The following DTNB variants were observed in gnomAD, a reference collection of about 807,000 sequenced individuals.
DTNB encodes dystrobrevin beta.
DTNB carries 63 observed loss-of-function variants against 90.7 expected under a neutral mutation model. The ratio of observed to expected loss-of-function variants is 0.69; its 90% CI spans 0.57 to 0.86. The LOEUF (loss-of-function observed/expected upper bound fraction) is 0.86. DTNB is among the 40% of genes least tolerant of loss of function. DTNB has a pLI of 0.00. For synonymous variants in DTNB, 277 were observed against 286.7 expected (o/e 0.97, Z 0.34); for missense variants, 744 against 807.1 (o/e 0.92, Z 0.95).
intron 19 of DTNB, chr2:25,379,614 G>A: frequency 2.8e-6 from 1 of 356,822 alleles, no homozygotes; most frequent in Non-Finnish European, 5.0e-6. Flanking sequence ...TACATGAGGG[G>A]GGCAAAGCCC....
chr2:25,550,345 C>T (rs969848313), intron 8 of DTNB, among the ~76,000 whole-genome samples: 12 of 152,110 alleles, frequency 7.9e-5, no homozygotes, highest in African/African-American at 2.2e-4. Flanking sequence ...GAGCCGAGAT[C>T]GCGCCACTGC....
intron 4 of DTNB, among the ~76,000 whole-genome samples, chr2:25,616,629 G>A (rs1411764332): frequency 8.6e-4 from 5 of 5,792 alleles, no homozygotes; most frequent in East Asian, 3.5e-3. Context: ...GCTATTTATA[G>A]TAAAAAAAAA....
intron 16 of DTNB, among the ~76,000 whole-genome samples, chr2:25,413,628 G>A (rs917580077): frequency 1.1e-4 from 17 of 152,160 alleles, no homozygotes; most frequent in African/African-American, 3.4e-4. Flanking sequence ...GTATTCCATC[G>A]TGTATATGTG....
At chr2:25,415,392 GCAT>G (rs549805200) in intron 16 of DTNB, among the ~76,000 whole-genome samples, 2,291 of 152,058 alleles carry the variant, frequency 0.015, 60 homozygotes, top group African/African-American at 0.05. Flanking sequence ...GACTACGGGT[GCAT>G]GCTACCATGC....
chr2:25,540,510 G>A (rs889429697), intron 8 of DTNB, among the ~76,000 whole-genome samples: 1 of 151,908 alleles, frequency 6.6e-6, no homozygotes, highest in Non-Finnish European at 1.5e-5. Flanking sequence ...ACAGGGTCTC[G>A]CTGTTGCCCA....
intron 9 of DTNB, among the ~76,000 whole-genome samples, chr2:25,516,374 G>A (rs1487517705): frequency 6.6e-6 from 1 of 151,570 alleles, no homozygotes; most frequent in East Asian, 1.9e-4. Flanking sequence ...AGCCACCTGA[G>A]TAGCTGGGAC....
At chr2:25,419,365 A>G in intron 16 of DTNB, 150 bp downstream of exon 16, 1 of 1,252,596 alleles carries the variant, frequency 8.0e-7, no homozygotes, top group Non-Finnish European at 1.1e-6. Flanking sequence ...AGGCCATTTT[A>G]CAACACCATG....
intron 9 of DTNB, among the ~76,000 whole-genome samples, chr2:25,529,505 CA>C (rs528466102): frequency 1.3e-4 from 18 of 142,090 alleles, no homozygotes; most frequent in East Asian, 2.0e-4. Flanking sequence ...ACAGATTTAA[CA>C]AAAAAAAAAA....
In DTNB at chr2:25,478,915, C is replaced by T. The variant is rs73922407; in HGVS notation, c.1079+3881G>A. ...CTTGGGAGCAGCTGTTCTGCAGTGG[C>T]GGGGAGCGAAGATGGCACACGGAGA... is the stretch of plus-strand genomic sequence containing the variant. On this transcript the variant is annotated intron_variant, in intron 10 of 20. Coordinates refer to ENST00000406818, the MANE Select transcript of DTNB (RefSeq NM_021907.5). 5.3e-4 allele frequency among the ~76,000 whole-genome samples: 81 copies of T among 152,270 alleles called. 1 individual carries two copies. Among genetic ancestry groups the T allele is most frequent in the African/African-American group, 1.9e-3 (79 of 41,564 alleles).
At chr2:25,594,022 T>C (rs995014218) in intron 6 of DTNB, among the ~76,000 whole-genome samples, 6 of 152,166 alleles carry the variant, frequency 3.9e-5, no homozygotes, top group Non-Finnish European at 8.8e-5. Context: ...TGGGCCACCA[T>C]GGAAGGTGAT....
At chr2:25,551,301 A>C (rs2083607786) in intron 8 of DTNB, among the ~76,000 whole-genome samples, 1 of 152,230 alleles carries the variant, frequency 6.6e-6, no homozygotes, top group Non-Finnish European at 1.5e-5. Context: ...ACCTATATTT[A>C]AAGTTTCCTG....
chr2:25,517,562 T>C (rs773733670), intron 9 of DTNB, among the ~76,000 whole-genome samples: 7 of 152,224 alleles, frequency 4.6e-5, no homozygotes, highest in Non-Finnish European at 8.8e-5. Flanking sequence ...AAGTTGGAAC[T>C]CTTTTGCAGT....
chr2:25,583,406 T>C (rs2061863929), intron 6 of DTNB, among the ~76,000 whole-genome samples: 1 of 151,870 alleles, frequency 6.6e-6, no homozygotes, highest in Admixed American at 6.5e-5. Flanking sequence ...AAAAGTTTAA[T>C]ATTTCTATAG....
intron 9 of DTNB, among the ~76,000 whole-genome samples, chr2:25,520,669 G>A (rs1362927127): frequency 6.6e-6 from 1 of 152,114 alleles, no homozygotes; most frequent in African/African-American, 2.4e-5. Flanking sequence ...AAGTTCATAA[G>A]CACTGATAGC....
In DTNB at chr2:25,482,936, C is replaced by T. The variant is rs947666226; in HGVS notation, c.1002-63G>A. On this transcript the variant is annotated intron_variant, in intron 9 of 20. Transcript: ENST00000406818. ...CAACTAGGGGAAACAAGGGAAACGACGATAAGCATGGTAAGAGCAAAGGGA... is the reference window on the plus strand; with the variant it reads ...CAACTAGGGGAAACAAGGGAAACGATGATAAGCATGGTAAGAGCAAAGGGA... 1.7e-5 allele frequency: 25 copies of T among 1,481,774 alleles called. No homozygotes were observed. In the Admixed American group the frequency reaches 4.6e-4, roughly 27 times the overall value. The allele number at this position is 1,481,774 out of a possible 1,614,324, so 91.8% of individuals were successfully genotyped here.
At chr2:25,384,631 T>C (rs1238939043) in intron 18 of DTNB, among the ~76,000 whole-genome samples, 1 of 151,922 alleles carries the variant, frequency 6.6e-6, no homozygotes, top group Non-Finnish European at 1.5e-5. Flanking sequence ...CTAGGAAGGG[T>C]TGTCATTTGC....
intron 10 of DTNB, among the ~76,000 whole-genome samples, chr2:25,467,255 G>A (rs913132643): frequency 9.3e-5 from 14 of 151,174 alleles, no homozygotes; most frequent in Non-Finnish European, 1.5e-4. Flanking sequence ...TGAAGAAGAT[G>A]TAAAGGCCTA....
chr2:25,635,766 A>C (rs931548028), intron 3 of DTNB, among the ~76,000 whole-genome samples: 2 of 152,240 alleles, frequency 1.3e-5, no homozygotes, highest in Non-Finnish European at 2.9e-5. Flanking sequence ...TATGAAAATG[A>C]ATGTTAAAAA....
intron 1 of DTNB, among the ~76,000 whole-genome samples, chr2:25,655,203 C>A (rs1207420328): frequency 2.0e-5 from 3 of 152,224 alleles, no homozygotes; most frequent in Non-Finnish European, 4.4e-5. Context: ...ACAGTCCTGA[C>A]AAGATTCTTC....
Sources: allele counts gnomAD v4.1 joint callset (sites outside exome capture counted in the v4.1 genomes callset), GRCh38; gene constraint gnomAD v4.1.1; transcripts MANE v1.5; gene names NCBI Gene and HGNC (gene_info 2026-07-23, HGNC 2026-07-21).